ZNF469: variants seen among roughly 807,000 people sequenced by gnomAD.
ZNF469 encodes the protein zinc finger protein 469.
ZNF469 carries 1 observed loss-of-function variant against 1.0 expected under a neutral mutation model. That is an observed-to-expected ratio of 1.00 (90% CI 0.35 to 4.73). The LOEUF (loss-of-function observed/expected upper bound fraction) is 4.73, where lower values mean the gene tolerates loss of function less well. Ranked by LOEUF, ZNF469 falls within the 30% of genes most tolerant of loss-of-function variation. The probability of loss-of-function intolerance (pLI) is 0.16; values close to 1 mark genes in which losing one functional copy is unlikely to be tolerated. For missense variants in ZNF469, 6,100 were observed against 5,356.3 expected, an observed-to-expected ratio of 1.14 and a Z score of -4.33; for synonymous variants, 2,703 against 2,363.4, an observed-to-expected ratio of 1.14 and a Z score of -4.17.
the ZNF469 span, among the ~76,000 whole-genome samples, chr16:88,257,917 G>A: frequency 6.6e-6 from 1 of 152,148 alleles, no homozygotes; most frequent in African/African-American, 2.4e-5. Flanking sequence ...TCACTTCCTT[G>A]GCTCCAGAAT....
chr16:88,203,911 A>G, the ZNF469 span, among the ~76,000 whole-genome samples: 1 of 152,200 alleles, frequency 6.6e-6, no homozygotes, highest in Non-Finnish European at 1.5e-5. Flanking sequence ...AACTCAACCC[A>G]TAGCAAGTGT....
chr16:88,279,088 C>G, the ZNF469 span, among the ~76,000 whole-genome samples: 1 of 135,526 alleles, frequency 7.4e-6, no homozygotes, highest in Non-Finnish European at 1.7e-5. Flanking sequence ...CTGCGCCATG[C>G]CGACACTTGG....
the ZNF469 span, among the ~76,000 whole-genome samples, chr16:88,105,248 C>T: frequency 2.0e-5 from 3 of 151,858 alleles, no homozygotes; most frequent in Non-Finnish European, 2.9e-5. Flanking sequence ...AGTTTTGATC[C>T]TCAACACTAT....
the ZNF469 span, among the ~76,000 whole-genome samples, chr16:88,371,613 T>G: frequency 2.0e-5 from 3 of 152,192 alleles, no homozygotes; most frequent in African/African-American, 7.2e-5. Context: ...CAAAATGCAT[T>G]CACACTCATG....
chr16:88,317,645 G>A, the ZNF469 span, among the ~76,000 whole-genome samples: 10 of 152,330 alleles, frequency 6.6e-5, no homozygotes, highest in Admixed American at 3.3e-4. Context: ...CTCTCTGGCC[G>A]GTGCAGAGGC....
chr16:88,122,347 A>T, the ZNF469 span, among the ~76,000 whole-genome samples: 1 of 151,210 alleles, frequency 6.6e-6, no homozygotes, highest in Non-Finnish European at 1.5e-5. Flanking sequence ...AGCCACTCGG[A>T]TCACACTCCA....
In ZNF469 at chr16:88,428,259, G is replaced by T. The variant is rs1350104920; in HGVS notation, c.789G>T (p.Arg263Ser). ...CGGAACCTATTCCCAAAGGCAGCAG[G>T]CCCGGCGGCAGCCCCAGGGGAGTTT... ...AEPEPIPKGS[R>S]PGGSPRGVSF... is the part of the protein sequence containing the mutation. The change falls in exon 3 of 3, where the codon AGG (arginine) becomes AGT (serine). Residue 263 changes from arginine (R) to serine (S), a missense_variant. By Grantham distance (110) the Arg-to-Ser change is moderately radical. Transcript: ENST00000565624. 6.4e-7 allele frequency: 1 copy of T among 1,550,402 alleles called. No homozygotes were observed. Among genetic ancestry groups the T allele is most frequent in the African/African-American group, 1.4e-5 (1 of 73,174 alleles).
chr16:88,242,368 C>T, the ZNF469 span, among the ~76,000 whole-genome samples: 2 of 152,208 alleles, frequency 1.3e-5, no homozygotes, highest in South Asian at 4.1e-4. Context: ...GTCAGGGTGC[C>T]GGCAAGGCTG....
the ZNF469 span, among the ~76,000 whole-genome samples, chr16:88,223,471 T>C: frequency 6.6e-6 from 1 of 152,224 alleles, no homozygotes; most frequent in Admixed American, 6.5e-5. Context: ...ACAGAGAGGC[T>C]GAGTAAACAC....
chr16:88,350,962 G>A, the ZNF469 span, among the ~76,000 whole-genome samples: 1 of 152,274 alleles, frequency 6.6e-6, no homozygotes, highest in Non-Finnish European at 1.5e-5. Flanking sequence ...TTCCAGAACT[G>A]TGGAGGAATA....
At chr16:88,290,996 C>A in the ZNF469 span, among the ~76,000 whole-genome samples, 1 of 152,220 alleles carries the variant, frequency 6.6e-6, no homozygotes, top group Non-Finnish European at 1.5e-5. Flanking sequence ...ATGTCCAGGG[C>A]AGCTCCTGCC....
chr16:88,127,043 G>A, the ZNF469 span, among the ~76,000 whole-genome samples: 10 of 152,224 alleles, frequency 6.6e-5, no homozygotes, highest in South Asian at 2.1e-4. Context: ...GGCTGGTCTC[G>A]AACTCCTGAC....
At chr16:88,147,913 G>A in the ZNF469 span, among the ~76,000 whole-genome samples, 9 of 152,250 alleles carry the variant, frequency 5.9e-5, no homozygotes, top group South Asian at 4.1e-4. Context: ...AATCACAGGC[G>A]GCAGTGATTG....
At chr16:88,325,020 G>A in the ZNF469 span, among the ~76,000 whole-genome samples, 2 of 152,184 alleles carry the variant, frequency 1.3e-5, no homozygotes, top group East Asian at 3.8e-4. Flanking sequence ...AGTGGGAGCA[G>A]GAGGAAAAGA....
the ZNF469 span, among the ~76,000 whole-genome samples, chr16:88,260,296 C>T: frequency 7.9e-5 from 12 of 152,328 alleles, no homozygotes; most frequent in South Asian, 2.3e-3. The surrounding 1 kb of genome is among the most constrained non-coding windows in gnomAD (Gnocchi z 4.1). Context: ...GCCAAAAAGT[C>T]GCTTTAAAAA....
chr16:88,185,329 ACT>A, the ZNF469 span, among the ~76,000 whole-genome samples: 2 of 152,034 alleles, frequency 1.3e-5, no homozygotes. Context: ...ATTCACATAC[ACT>A]CACATGAATA....
At chr16:88,137,709 A>G in the ZNF469 span, among the ~76,000 whole-genome samples, 1 of 152,234 alleles carries the variant, frequency 6.6e-6, no homozygotes. Flanking sequence ...ATGGTAACTC[A>G]TTGCAAGAGG....
At chr16:88,404,301 G>T (rs141076304) in intron 1 of ZNF469, among the ~76,000 whole-genome samples, 3 of 152,170 alleles carry the variant, frequency 2.0e-5, no homozygotes, top group African/African-American at 7.2e-5. Flanking sequence ...AGGTCATTTC[G>T]CCTGTAAGGA....
the ZNF469 span, among the ~76,000 whole-genome samples, chr16:88,106,853 C>T: frequency 3.9e-5 from 6 of 152,256 alleles, no homozygotes; most frequent in African/African-American, 4.8e-5. Flanking sequence ...CGCCCCCAGG[C>T]GGGAATCCCA....
Sources: gnomAD v4.1 joint callset for allele counts (sites outside exome capture counted in the v4.1 genomes callset) on GRCh38, gnomAD v4.1.1 for gene constraint, Gnocchi (gnomAD v3.1) non-coding constraint, MANE v1.5 for transcripts, NCBI Gene and HGNC (gene_info 2026-07-23, HGNC 2026-07-21) for gene names.